The following SGCZ variants were observed in gnomAD, a reference collection of about 807,000 sequenced individuals.
The protein encoded by SGCZ is sarcoglycan zeta.
SGCZ carries 40 observed loss-of-function variants against 41.3 expected under a neutral mutation model. The observed-to-expected ratio is 0.97, with a 90% CI of 0.75 to 1.26. The LOEUF is 1.26. SGCZ is among the 50% of genes most tolerant of loss of function. SGCZ has a pLI of 0.00. For missense variants in SGCZ, 552 were observed against 369.8 expected (o/e 1.49, Z -4.04); for synonymous variants, 206 against 137.5 (o/e 1.50, Z -3.49).
chr8:14,618,314 T>C (rs1053352225), intron 1 of SGCZ, among the ~76,000 whole-genome samples: 1 of 152,140 alleles, frequency 6.6e-6, no homozygotes, highest in African/African-American at 2.4e-5. Context: ...ATAGAGCCCA[T>C]TGCATTTTAA....
At chr8:14,932,924 T>G (rs1185897154) in intron 1 of SGCZ, among the ~76,000 whole-genome samples, 1 of 151,912 alleles carries the variant, frequency 6.6e-6, no homozygotes. Flanking sequence ...CAAGAGGCCG[T>G]TATCTTAAGT....
intron 2 of SGCZ, among the ~76,000 whole-genome samples, chr8:14,398,973 G>A (rs988099237): frequency 2.0e-5 from 3 of 152,028 alleles, no homozygotes; most frequent in African/African-American, 7.2e-5. Flanking sequence ...AAGTGTAAAT[G>A]TTCCTTGAAA....
chr8:14,909,505 G>C (rs1045521439), intron 1 of SGCZ, among the ~76,000 whole-genome samples: 12 of 151,734 alleles, frequency 7.9e-5, no homozygotes, highest in African/African-American at 2.9e-4. Flanking sequence ...ATCTGTGTCT[G>C]ATTTATCTGT....
intron 2 of SGCZ, among the ~76,000 whole-genome samples, chr8:14,432,766 T>C (rs1210961337): frequency 6.6e-6 from 1 of 151,690 alleles, no homozygotes; most frequent in Non-Finnish European, 1.5e-5. Flanking sequence ...ATACAAAAAT[T>C]AGCCAGGCGT....
intron 3 of SGCZ, among the ~76,000 whole-genome samples, chr8:14,314,131 A>G (rs1010299364): frequency 1.3e-5 from 2 of 152,166 alleles, no homozygotes; most frequent in African/African-American, 4.8e-5. Context: ...CGCAGTAAGA[A>G]GAACTCCTTT....
chr8:15,170,585 G>C (rs1372499856), intron 1 of SGCZ, among the ~76,000 whole-genome samples: 1 of 152,184 alleles, frequency 6.6e-6, no homozygotes, highest in East Asian at 1.9e-4. Context: ...TTAAATGAAA[G>C]AGTCCACCAG....
chr8:14,687,949 T>A (rs1808670263), intron 1 of SGCZ, among the ~76,000 whole-genome samples: 1 of 152,234 alleles, frequency 6.6e-6, no homozygotes, highest in Admixed American at 6.5e-5. Context: ...TAGACTGTAA[T>A]GGTGAGCATT....
intron 5 of SGCZ, among the ~76,000 whole-genome samples, chr8:14,108,482 C>T (rs552597355): frequency 6.6e-6 from 1 of 152,116 alleles, no homozygotes; most frequent in Non-Finnish European, 1.5e-5. Flanking sequence ...GCAACAGGCA[C>T]TTCATACATC....
chr8:14,478,596 C>G (rs1488763474), intron 2 of SGCZ, among the ~76,000 whole-genome samples: 2 of 151,922 alleles, frequency 1.3e-5, no homozygotes, highest in Non-Finnish European at 2.9e-5. Context: ...CTGTAAAAGA[C>G]TGTAACTATG....
intron 3 of SGCZ, among the ~76,000 whole-genome samples, chr8:14,300,658 G>C (rs560635031): frequency 1.1e-3 from 163 of 152,120 alleles, no homozygotes; most frequent in Non-Finnish European, 1.9e-3. Context: ...GAAGTTATGA[G>C]AATGGTGGTC....
At chr8:14,184,965 G>A (rs761388642) in intron 4 of SGCZ, among the ~76,000 whole-genome samples, 43 of 152,192 alleles carry the variant, frequency 2.8e-4, no homozygotes, top group African/African-American at 6.7e-4. Context: ...TGTCTCTATC[G>A]TCTAATATTG....
At chr8:14,794,917 G>T (rs1209867529) in intron 1 of SGCZ, among the ~76,000 whole-genome samples, 1 of 152,164 alleles carries the variant, frequency 6.6e-6, no homozygotes, top group African/African-American at 2.4e-5. Flanking sequence ...AACTGTCAAT[G>T]AAGAACAGTA....
chr8:14,604,227 TAGA>T (rs1365250742), intron 1 of SGCZ, among the ~76,000 whole-genome samples: 2 of 152,216 alleles, frequency 1.3e-5, no homozygotes, highest in African/African-American at 2.4e-5. Context: ...CTTCTTCTTA[TAGA>T]AGAAGAAGAA....
chr8:14,411,366 G>C (rs913397157), intron 2 of SGCZ, among the ~76,000 whole-genome samples: 1 of 152,026 alleles, frequency 6.6e-6, no homozygotes, highest in Non-Finnish European at 1.5e-5. Flanking sequence ...AAACATATTA[G>C]TGTTCTGTTA....
At chr8:15,088,707 C>A (rs1023697058) in intron 1 of SGCZ, among the ~76,000 whole-genome samples, 4 of 152,242 alleles carry the variant, frequency 2.6e-5, no homozygotes, top group African/African-American at 7.2e-5. Context: ...CTTATATAAG[C>A]CTCTTTTATT....
At chr8:14,936,530 T>C (rs1800090027) in intron 1 of SGCZ, among the ~76,000 whole-genome samples, 1 of 151,946 alleles carries the variant, frequency 6.6e-6, no homozygotes, top group South Asian at 2.1e-4. Context: ...AGTGTCACTT[T>C]TGCACCACCA....
chr8:14,414,660 T>C (rs1799448306), intron 2 of SGCZ, among the ~76,000 whole-genome samples: 1 of 152,020 alleles, frequency 6.6e-6, no homozygotes, highest in African/African-American at 2.4e-5. Flanking sequence ...GCACAAAATG[T>C]AATTAATCTA....
intron 1 of SGCZ, among the ~76,000 whole-genome samples, chr8:14,583,258 A>G (rs1305058661): frequency 1.3e-5 from 2 of 151,416 alleles, no homozygotes; most frequent in African/African-American, 2.4e-5. Context: ...TCTGATGGCC[A>G]GTGATGGTGA....
chr8:14,831,007 CTTAT>C (rs1802506708), intron 1 of SGCZ, among the ~76,000 whole-genome samples: 1 of 152,118 alleles, frequency 6.6e-6, no homozygotes, highest in Non-Finnish European at 1.5e-5. Flanking sequence ...ATGTAAAAAT[CTTAT>C]TTGACTCCTA....
Sources: gnomAD v4.1 joint callset for allele counts (sites outside exome capture counted in the v4.1 genomes callset) on GRCh38, gnomAD v4.1.1 for gene constraint, MANE v1.5 for transcripts, NCBI Gene and HGNC (gene_info 2026-07-23, HGNC 2026-07-21) for gene names.